Variants in CACNA2D1 observed in about 807,000 individuals in gnomAD.
CACNA2D1 encodes the protein voltage-dependent calcium channel subunit alpha-2/delta-1.
In CACNA2D1, 53 loss-of-function variants were observed where a neutral mutation model predicts 171.5. That is an observed-to-expected ratio of 0.31 (90% confidence interval 0.25 to 0.39). CACNA2D1 has a LOEUF of 0.39. Ranked by LOEUF, CACNA2D1 falls within the 10% of genes least tolerant of loss-of-function variation. The pLI is 1.00. For synonymous variants in CACNA2D1, 442 were observed against 443.1 expected, an observed-to-expected ratio of 1.00 and a Z score of 0.03; for missense variants, 903 against 1,299.8, an observed-to-expected ratio of 0.69 and a Z score of 4.69.
intron 2 of CACNA2D1, among the ~76,000 whole-genome samples, chr7:82,346,932 A>G (rs7778232): frequency 0.13 from 19,043 of 152,210 alleles, 1,877 homozygotes; most frequent in African/African-American, 0.27. Flanking sequence ...CATCCAATTT[A>G]ATAGTTGTGT....
At chr7:82,269,061 C>A (rs1025332283) in intron 3 of CACNA2D1, among the ~76,000 whole-genome samples, 2 of 152,140 alleles carry the variant, frequency 1.3e-5, no homozygotes, top group African/African-American at 2.4e-5. Context: ...TAGATGTCTT[C>A]TTTTCTATCA....
intron 1 of CACNA2D1, among the ~76,000 whole-genome samples, chr7:82,413,629 T>C (rs140946673): frequency 1.3e-5 from 2 of 152,354 alleles, no homozygotes; most frequent in African/African-American, 4.8e-5. Context: ...TGCAGTCAAA[T>C]CCTTTGTAAA....
chr7:82,025,348 C>G (rs1562886556), intron 12 of CACNA2D1, among the ~76,000 whole-genome samples: 1 of 151,582 alleles, frequency 6.6e-6, no homozygotes, highest in Non-Finnish European at 1.5e-5. Context: ...GTATATAAAA[C>G]TCCTTTGTTA....
chr7:82,204,867 G>C (rs185677542), intron 3 of CACNA2D1, among the ~76,000 whole-genome samples: 1 of 152,260 alleles, frequency 6.6e-6, no homozygotes, highest in Admixed American at 6.5e-5. Flanking sequence ...AATAGGCCAA[G>C]GCAGACATCC....
At chr7:81,963,507 G>A (rs576753447) in intron 34 of CACNA2D1, among the ~76,000 whole-genome samples, 3 of 151,982 alleles carry the variant, frequency 2.0e-5, no homozygotes, top group African/African-American at 7.2e-5. Flanking sequence ...ATTTTCATAG[G>A]TTGTAGGGTC....
intron 1 of CACNA2D1, among the ~76,000 whole-genome samples, chr7:82,423,241 G>A (rs1250663577): frequency 1.3e-5 from 2 of 151,790 alleles, no homozygotes; most frequent in African/African-American, 4.8e-5. Context: ...TTTCTTTAAC[G>A]TAGAGAGAAC....
chr7:82,290,531 A>G (rs1811386690), intron 3 of CACNA2D1, among the ~76,000 whole-genome samples: 1 of 151,262 alleles, frequency 6.6e-6, no homozygotes, highest in Admixed American at 6.6e-5. Flanking sequence ...TTCCCCATAT[A>G]ATATAGGTGT....
chr7:82,098,031 T>C (rs938164019), intron 6 of CACNA2D1, among the ~76,000 whole-genome samples: 1 of 152,062 alleles, frequency 6.6e-6, no homozygotes, highest in Non-Finnish European at 1.5e-5. Context: ...GGAGAATGAC[T>C]TGAACCCACG....
At chr7:82,057,864 G>A (rs1416597934) in intron 10 of CACNA2D1, among the ~76,000 whole-genome samples, 3 of 152,138 alleles carry the variant, frequency 2.0e-5, no homozygotes, top group Admixed American at 2.0e-4. Flanking sequence ...AAGAAAAGAT[G>A]AGTATGAATT....
chr7:81,953,306 A>C (rs1208874812), intron 38 of CACNA2D1, among the ~76,000 whole-genome samples: 1 of 152,038 alleles, frequency 6.6e-6, no homozygotes, highest in Non-Finnish European at 1.5e-5. Flanking sequence ...GACATTTCTC[A>C]TCATTCTCAG....
Position 82,352,616 on chromosome 7 carries a change from T to C in CACNA2D1, c.96-2967A>G, listed in dbSNP as rs931143492. 4.6e-5 allele frequency among the ~76,000 whole-genome samples: 7 copies of C among 152,180 alleles called. No homozygotes were observed. The South Asian group carries it at 8.3e-4, about 18-fold the overall frequency. ...TGCAGGCTGGGTTTAAAAATGGGTC[T>C]GGGAGGAAGAGAGAAAACAACAACA... On this transcript the variant is annotated intron_variant, in intron 1 of 38. Transcript: ENST00000356860.
chr7:82,252,453 T>C (rs2129317274), intron 3 of CACNA2D1, among the ~76,000 whole-genome samples: 1 of 152,338 alleles, frequency 6.6e-6, no homozygotes, highest in Middle Eastern at 3.4e-3. Context: ...GGCTCATTTA[T>C]TAAGCATATA....
intron 4 of CACNA2D1, among the ~76,000 whole-genome samples, chr7:82,163,706 C>A (rs775312822): frequency 6.6e-6 from 1 of 151,940 alleles, no homozygotes; most frequent in Non-Finnish European, 1.5e-5. Flanking sequence ...CACATTGAAT[C>A]CAGCTCAAAG....
chr7:82,162,428 T>TTGTA (rs1381370423), intron 4 of CACNA2D1, among the ~76,000 whole-genome samples: 1 of 151,780 alleles, frequency 6.6e-6, no homozygotes, highest in Non-Finnish European at 1.5e-5. Context: ...GTTTGGAAGG[T>TTGTA]TGTAAGTTGA....
Position 81,997,262 on chromosome 7 carries a change from A to G in CACNA2D1, c.1591-12T>C, listed in dbSNP as rs1391279347. The stretch of plus-strand genomic sequence containing the variant: ...TGAGATTTGGGGTTCTACACAGAAA[A>G]CAATAATAATTAGGTACATGTAACA... On this transcript the variant is annotated splice_polypyrimidine_tract_variant and intron_variant, in intron 18 of 38. Coordinates refer to ENST00000356860, the MANE Select transcript of CACNA2D1 (RefSeq NM_000722.4). 8 of 1,520,816 alleles carry G rather than the reference A, an allele frequency of 5.3e-6. No homozygotes were observed. The highest frequency in any genetic ancestry group is 1.4e-5 in the African/African-American group (1 of 73,030). The allele number at this position is 1,520,816 out of a possible 1,614,324, so 94.2% of individuals were successfully genotyped here.
chr7:81,969,230 A>G (rs1795024086), intron 28 of CACNA2D1, among the ~76,000 whole-genome samples: 1 of 151,438 alleles, frequency 6.6e-6, no homozygotes, highest in Admixed American at 6.6e-5. Context: ...AACATAATGA[A>G]TACATGCCAA....
At chr7:82,216,969 T>C (rs1298798230) in intron 3 of CACNA2D1, among the ~76,000 whole-genome samples, 1 of 151,960 alleles carries the variant, frequency 6.6e-6, no homozygotes, top group African/African-American at 2.4e-5. Context: ...AAGATGTTTT[T>C]AATTACATTA....
chr7:82,239,653 G>A (rs1030905105), intron 3 of CACNA2D1, among the ~76,000 whole-genome samples: 2 of 152,130 alleles, frequency 1.3e-5, no homozygotes, highest in African/African-American at 4.8e-5. Flanking sequence ...TATCATTAAA[G>A]GTAGTGGAAG....
chr7:82,442,274 G>C (rs1181363810), intron 1 of CACNA2D1, among the ~76,000 whole-genome samples: 1 of 152,036 alleles, frequency 6.6e-6, no homozygotes, highest in Non-Finnish European at 1.5e-5. Flanking sequence ...AGCCAACAAA[G>C]GACAGCAAGT....
Sources: gnomAD v4.1 joint callset for allele counts (sites outside exome capture counted in the v4.1 genomes callset) on GRCh38, gnomAD v4.1.1 for gene constraint, MANE v1.5 for transcripts, NCBI Gene and HGNC (gene_info 2026-07-23, HGNC 2026-07-21) for gene names.